The following CIBAR1 variants were observed in gnomAD, a reference collection of about 807,000 sequenced individuals.
The protein encoded by CIBAR1 is CBY1-interacting BAR domain-containing protein 1.
CIBAR1 carries 25 observed loss-of-function variants against 44.0 expected under a neutral mutation model. The ratio of observed to expected loss-of-function variants is 0.57; its 90% CI spans 0.41 to 0.79. The LOEUF (loss-of-function observed/expected upper bound fraction) is 0.79. Ranked by LOEUF, CIBAR1 falls within the 30% of genes least tolerant of loss-of-function variation. The probability of loss-of-function intolerance (pLI) is 0.00; values close to 1 mark genes in which losing one functional copy is unlikely to be tolerated. For synonymous variants in CIBAR1, 115 were observed against 119.0 expected (o/e 0.97, Z 0.22); for missense variants, 278 against 344.8 (o/e 0.81, Z 1.53).
chr8:93,718,643 T>C (rs1244620509), intron 6 of CIBAR1, 32 bp from the exon 7 acceptor site: 12 of 1,231,754 alleles, frequency 9.7e-6, no homozygotes, highest in Non-Finnish European at 9.1e-6. Context: ...ATTTAAATCA[T>C]TGTTTAAATT....
chr8:93,724,457 TG>T (rs1391003907), intron 7 of CIBAR1: 3 of 480,404 alleles, frequency 6.2e-6, no homozygotes, highest in African/African-American at 2.0e-5. Flanking sequence ...CCCAAGTAGC[TG>T]GAATTATAGG....
At chr8:93,719,258 CA>C (rs2130356901) in intron 7 of CIBAR1, among the ~76,000 whole-genome samples, 1 of 152,130 alleles carries the variant, frequency 6.6e-6, no homozygotes, top group East Asian at 1.9e-4. Flanking sequence ...TTCAATTTTT[CA>C]AATTAACCAT....
In CIBAR1 at chr8:93,700,571, G is replaced by T; in HGVS notation, c.-77G>T. 1.4e-6 allele frequency: 2 copies of T among 1,394,582 alleles called. No homozygotes were observed. Among genetic ancestry groups the T allele is most frequent in the Non-Finnish European group, 1.9e-6 (2 of 1,073,994 alleles). 86.4% of individuals were successfully genotyped at this position (1,394,582 alleles called of 1,614,324 possible). On this transcript the variant is annotated 5_prime_UTR_variant, in exon 1 of 9. Coordinates refer to ENST00000518322, the MANE Select transcript of CIBAR1 (RefSeq NM_145269.5). ...TTTCAGGCTCCCGGCGGCTGCTTGC[G>T]CCCCAGCGCGCGCCCAGGCGCCTTG...
chr8:93,710,134 A>G (rs865975582), intron 6 of CIBAR1, among the ~76,000 whole-genome samples: 34 of 152,108 alleles, frequency 2.2e-4, no homozygotes, highest in African/African-American at 7.7e-4. Context: ...AAAACTAGCC[A>G]GGTGTGGTGG....
At position 93,729,376 on chromosome 8, in the gene CIBAR1, T is replaced by C. The variant is rs1425356657; in HGVS notation, c.*1079T>C. ...AACATTTTAAAACCCTAAATTGATATTCTTAAGAAACTCAAGATATCATTG... is the reference window on the plus strand; with the variant it reads ...AACATTTTAAAACCCTAAATTGATACTCTTAAGAAACTCAAGATATCATTG... On this transcript the variant is annotated 3_prime_UTR_variant, in exon 9 of 9. Coordinates refer to ENST00000518322, the MANE Select transcript of CIBAR1 (RefSeq NM_145269.5). 1 of 152,154 alleles carries C rather than the reference T, an allele frequency of 6.6e-6. No homozygotes were observed. The highest frequency in any genetic ancestry group is 1.9e-4 in the East Asian group (1 of 5,200). 9.4% of individuals were successfully genotyped at this position (152,154 alleles called of 1,614,324 possible). A position where few individuals can be genotyped will look rare whatever the true frequency, so the allele number is the denominator to read the frequency against.
intron 7 of CIBAR1, among the ~76,000 whole-genome samples, chr8:93,725,298 A>C (rs938691518): frequency 5.3e-5 from 8 of 152,174 alleles, no homozygotes; most frequent in Non-Finnish European, 1.2e-4. Flanking sequence ...GTTTTTATAT[A>C]TAATAAGTGG....
At chr8:93,700,694 G>A in intron 1 of CIBAR1, 21 bp downstream of exon 1, 2 of 1,495,842 alleles carry the variant, frequency 1.3e-6, no homozygotes, top group Non-Finnish European at 1.8e-6. Context: ...GAGCCCAGCT[G>A]CCCAGGGCCG....
At chr8:93,704,265 T>A (rs1274577333) in intron 3 of CIBAR1, among the ~76,000 whole-genome samples, 1 of 152,092 alleles carries the variant, frequency 6.6e-6, no homozygotes, top group Non-Finnish European at 1.5e-5. Context: ...TGAATATAAG[T>A]TTTTCTTTAA....
At chr8:93,718,980 C>T (rs1470711468) in intron 7 of CIBAR1, among the ~76,000 whole-genome samples, 192 bp downstream of exon 7, 1 of 151,970 alleles carries the variant, frequency 6.6e-6, no homozygotes, top group East Asian at 1.9e-4. Flanking sequence ...TCTTCTGCCT[C>T]AGCCTCCTAA....
intron 1 of CIBAR1, 45 bp from the exon 2 acceptor site, chr8:93,701,179 A>T: frequency 6.3e-7 from 1 of 1,578,010 alleles, no homozygotes; most frequent in Middle Eastern, 1.7e-4. Flanking sequence ...AAGCCTTCTC[A>T]TCTCTAACGA....
intron 3 of CIBAR1, 80 bp from the exon 4 acceptor site, chr8:93,704,829 C>A (rs1810515971): frequency 1.3e-6 from 1 of 779,890 alleles, no homozygotes; most frequent in Non-Finnish European, 2.0e-6. Context: ...TAAAACAATT[C>A]TTAAAAGAAT....
intron 6 of CIBAR1, among the ~76,000 whole-genome samples, chr8:93,710,836 CAAAA>C (rs35465241): frequency 8.3e-6 from 1 of 120,586 alleles, no homozygotes; most frequent in Non-Finnish European, 1.7e-5. Context: ...GACTCTGACT[CAAAA>C]AAAAAAAAAA....
At chr8:93,726,692 A>ATCTTTTATACTGTAATTAC in intron 8 of CIBAR1, 179 bp downstream of exon 8, 1 of 667,948 alleles carries the variant, frequency 1.5e-6, no homozygotes, top group South Asian at 1.7e-5. Flanking sequence ...TTTCTTAATT[A>ATCTTTTATACTGTAATTAC]TCTTTTATAC....
At chr8:93,701,960 A>G (rs1454847554) in intron 2 of CIBAR1, 1 of 207,292 alleles carries the variant, frequency 4.8e-6, no homozygotes, top group Non-Finnish European at 9.9e-6. Flanking sequence ...TCATGGAAGC[A>G]AACCAATACT....
intron 8 of CIBAR1, chr8:93,727,265 T>G: frequency 9.1e-7 from 1 of 1,102,862 alleles, no homozygotes; most frequent in Middle Eastern, 2.4e-4. Flanking sequence ...TACCATACTT[T>G]CTATTTTCAT....
intron 7 of CIBAR1, chr8:93,725,955 T>C (rs529656483): frequency 1.3e-5 from 2 of 157,456 alleles, no homozygotes; most frequent in African/African-American, 4.8e-5. Flanking sequence ...CCTAGTAAGG[T>C]TGGAATCCAT....
rs866886590 is a variant in CIBAR1 at position 93,728,434 on chromosome 8, T to A, written c.*137T>A. The A allele has an allele frequency of 5.4e-6, 3 of 554,608 alleles. No homozygotes were observed. Among genetic ancestry groups the A allele is most frequent in the African/African-American group, 4.0e-5 (2 of 49,932 alleles). 34.4% of individuals were successfully genotyped at this position (554,608 alleles called of 1,614,324 possible). On this transcript the variant is annotated 3_prime_UTR_variant, in exon 9 of 9. Coordinates refer to ENST00000518322, the MANE Select transcript of CIBAR1 (RefSeq NM_145269.5). ...CAGAAAAATAATTAAAGGAAACTTA[T>A]GCTGACCAAAAATGAAGGCTTTAAA...
chr8:93,709,654 A>G (rs1190573382), intron 5 of CIBAR1, 117 bp from the exon 6 acceptor site: 5 of 764,698 alleles, frequency 6.5e-6, no homozygotes, highest in South Asian at 4.5e-5. Flanking sequence ...AATATTAACA[A>G]TTTACACTGT....
intron 5 of CIBAR1, 63 bp from the exon 6 acceptor site, chr8:93,709,708 G>C (rs1810743449): frequency 1.5e-6 from 2 of 1,363,032 alleles, no homozygotes; most frequent in South Asian, 1.2e-5. Flanking sequence ...TTACCAGTAG[G>C]CTCAATTGAA....
Sources: allele counts gnomAD v4.1 joint callset (sites outside exome capture counted in the v4.1 genomes callset), GRCh38; gene constraint gnomAD v4.1.1; transcripts MANE v1.5; gene names NCBI Gene and HGNC (gene_info 2026-07-23, HGNC 2026-07-21).